COX7A2L: variants seen among roughly 807,000 people sequenced by gnomAD.
COX7A2L encodes cytochrome c oxidase subunit 7A2 like.
Under a neutral mutation model 14.2 loss-of-function variants are expected in COX7A2L, and 18 were observed. The ratio of observed to expected loss-of-function variants is 1.27; its 90% CI spans 0.88 to 1.88. The LOEUF is 1.88. COX7A2L is among the 40% of genes most tolerant of loss of function. COX7A2L has a pLI of 0.00. For missense variants in COX7A2L, 179 were observed against 138.8 expected, an observed-to-expected ratio of 1.29 and a Z score of -1.46; for synonymous variants, 65 against 57.4, an observed-to-expected ratio of 1.13 and a Z score of -0.60.
chr2:42,353,309 G>C lies in COX7A2L; in HGVS notation c.107C>G (p.Pro36Arg), dbSNP rs1670708153. The change falls in exon 2 of 3, where the codon CCT (proline) becomes CGT (arginine). Residue 36 changes from proline to arginine, a missense_variant. By Grantham distance (103) the Pro-to-Arg change is moderately radical (BLOSUM62 -2). Coordinates refer to ENST00000234301, the MANE Select transcript of COX7A2L (RefSeq NM_004718.4). The stretch of plus-strand genomic sequence containing the variant: ...TTTAGTTGGTGTGGCAAATATGATA[G>C]GTGGTGCTTCTGTGGAAACCACAGG... The part of the protein sequence containing the change: ...LKPVVSTEAP[P>R]IIFATPTKLT... The C allele has an allele frequency of 1.2e-6, 2 of 1,614,066 alleles. No homozygotes were observed. Among genetic ancestry groups the C allele is most frequent in the Non-Finnish European group, 1.7e-6 (2 of 1,179,996 alleles).
At position 42,339,195 on chromosome 2, in the gene COX7A2L, T is replaced by C. The variant is rs534109877; in HGVS notation, c.193-5326A>G. Among the ~76,000 whole-genome samples, 1 of 152,234 alleles carries C rather than the reference T, an allele frequency of 6.6e-6. No homozygotes were observed. Among genetic ancestry groups the C allele is most frequent in the African/African-American group, 2.4e-5 (1 of 41,456 alleles). On this transcript the variant is annotated intron_variant, in intron 2 of 2. Transcript: ENST00000468711. This position sits in a 1 kb window ranked among gnomAD's most constrained non-coding sequence, Gnocchi z 5.4. ...AATTTTAGTAGTTAATTACTTTTTT[T>C]ATTAACCATTATCAAGTTTAAACAC...
At chr2:42,336,841 G>T (rs1670284950) in intron 2 of COX7A2L, among the ~76,000 whole-genome samples, 2 of 152,124 alleles carry the variant, frequency 1.3e-5, no homozygotes, top group Non-Finnish European at 2.9e-5. Context: ...GTTTATGTGG[G>T]ACTCAGGATC....
intron 2 of COX7A2L, among the ~76,000 whole-genome samples, chr2:42,352,570 T>C (rs1245620992): frequency 6.6e-6 from 1 of 152,206 alleles, no homozygotes; most frequent in Non-Finnish European, 1.5e-5. Flanking sequence ...AAAAGTGCTC[T>C]ATCCTCAAGA....
At chr2:42,364,179 A>G (rs1671112918), upstream of COX7A2L, among the ~76,000 whole-genome samples, 1 of 146,176 alleles carries the variant, frequency 6.8e-6, no homozygotes, top group South Asian at 2.2e-4. Context: ...TGAACCCGGG[A>G]GGCGGAGCTT....
chr2:42,363,037 G>C (rs1671093776), upstream of COX7A2L, among the ~76,000 whole-genome samples: 1 of 151,762 alleles, frequency 6.6e-6, no homozygotes, highest in African/African-American at 2.4e-5. Flanking sequence ...ACCACGCCTG[G>C]CTAATTTTTT....
downstream of COX7A2L, among the ~76,000 whole-genome samples, chr2:42,345,767 C>T (rs1670483333): frequency 6.6e-6 from 1 of 152,158 alleles, no homozygotes; most frequent in Non-Finnish European, 1.5e-5. Context: ...CTTCATACCC[C>T]CGGGGTCATG....
rs541643610 is a variant in COX7A2L, at chr2:42,342,694, CG to C, written c.193-8826del. Reference sequence around the variant, plus strand: ...GACCATGACTAATCTATGTCATAGACGAGGTCAGAACAAGAGAAGGCAGGAT... The same window carrying C: ...GACCATGACTAATCTATGTCATAGACAGGTCAGAACAAGAGAAGGCAGGAT... On this transcript the variant is annotated intron_variant, in intron 2 of 2. Transcript: ENST00000468711. This position sits in a 1 kb window ranked among gnomAD's most constrained non-coding sequence, Gnocchi z 4.9. 1.2e-3 allele frequency among the ~76,000 whole-genome samples: 188 copies of C among 152,234 alleles called. 1 individual carries two copies. Among genetic ancestry groups the C allele is most frequent in the Non-Finnish European group, 2.4e-3 (161 of 67,998 alleles).
downstream of COX7A2L, among the ~76,000 whole-genome samples, chr2:42,345,027 G>C (rs552904081): frequency 2.6e-5 from 4 of 152,234 alleles, no homozygotes; most frequent in East Asian, 7.7e-4. Context: ...ATGAAGTTTC[G>C]TGATAGCAAA....
At chr2:42,366,813 C>T (rs1265795612) in intron 1 of COX7A2L, among the ~76,000 whole-genome samples, 1 of 152,158 alleles carries the variant, frequency 6.6e-6, no homozygotes, top group African/African-American at 2.4e-5. Flanking sequence ...CCCCAGCCCC[C>T]TTCCCTTTCT....
chr2:42,344,000 G>A (rs1182672912), intron 2 of COX7A2L, among the ~76,000 whole-genome samples: 1 of 152,188 alleles, frequency 6.6e-6, no homozygotes, highest in Non-Finnish European at 1.5e-5. Context: ...CTGACAGAAA[G>A]AGCAAAGCCA....
chr2:42,361,059 C>T (rs1671018543), intron 1 of COX7A2L, 31 bp downstream of exon 1: 3 of 1,610,584 alleles, frequency 1.9e-6, no homozygotes, highest in Non-Finnish European at 8.5e-7. Flanking sequence ...CGCCACTTCT[C>T]ATGTCCGAGC....
chr2:42,344,436 T>C (rs1670455741), downstream of COX7A2L, among the ~76,000 whole-genome samples: 2 of 152,246 alleles, frequency 1.3e-5, no homozygotes, highest in Non-Finnish European at 2.9e-5. Flanking sequence ...AAAATTGAAA[T>C]TTGTTTAAAT....
upstream of COX7A2L, among the ~76,000 whole-genome samples, chr2:42,366,073 T>C (rs1671158308): frequency 6.6e-6 from 1 of 152,190 alleles, no homozygotes; most frequent in Admixed American, 6.5e-5. Flanking sequence ...CAATGGATCA[T>C]TTTCTTTTGA....
At chr2:42,367,700 G>A (rs1355287899) in intron 1 of COX7A2L, among the ~76,000 whole-genome samples, 4 of 152,222 alleles carry the variant, frequency 2.6e-5, no homozygotes, top group South Asian at 4.1e-4. Flanking sequence ...ACTGACCACC[G>A]ATTGGCACTC....
intron 1 of COX7A2L, chr2:42,360,790 A>C: frequency 2.4e-6 from 1 of 417,250 alleles, no homozygotes; most frequent in Non-Finnish European, 4.3e-6. Context: ...CTCGGGTCAC[A>C]CTGGGGACCC....
intron 2 of COX7A2L, among the ~76,000 whole-genome samples, chr2:42,343,193 C>T (rs187044195): frequency 1.6e-4 from 24 of 152,310 alleles, no homozygotes; most frequent in Non-Finnish European, 2.8e-4. Context: ...CACACCCACC[C>T]GGGCAGCCTC....
At chr2:42,347,307 C>CATT (rs71408096), downstream of COX7A2L, among the ~76,000 whole-genome samples, 2 of 135,052 alleles carry the variant, frequency 1.5e-5, no homozygotes, top group African/African-American at 2.7e-5. Context: ...AAACCAGCAC[C>CATT]TTTTTTTTTT....
chr2:42,361,364 C>CA, upstream of COX7A2L: 1 of 552,382 alleles, frequency 1.8e-6, no homozygotes, highest in Non-Finnish European at 3.2e-6. Context: ...CCACGAAAGG[C>CA]AAAACCAGCT....
At chr2:42,362,999 CG>C (rs1157763620), upstream of COX7A2L, among the ~76,000 whole-genome samples, 2 of 151,564 alleles carry the variant, frequency 1.3e-5, no homozygotes, top group Non-Finnish European at 2.9e-5. Context: ...CTCAGTCTCC[CG>C]GGTAGCTGGA....
Sources: allele counts gnomAD v4.1 joint callset (sites outside exome capture counted in the v4.1 genomes callset), GRCh38; gene constraint gnomAD v4.1.1; non-coding constraint Gnocchi (gnomAD v3.1); transcripts MANE v1.5; gene names NCBI Gene and HGNC (gene_info 2026-07-23, HGNC 2026-07-21).